Variants in SMCO4 observed in about 807,000 individuals in gnomAD.
SMCO4 encodes the protein single-pass membrane protein with coiled-coil domains 4.
A neutral mutation model predicts 3.6 loss-of-function variants in SMCO4; 4 were observed. That is an observed-to-expected ratio of 1.11 (90% confidence interval 0.54 to 2.53). SMCO4 has a LOEUF of 2.53. Among genes scored for constraint, SMCO4 ranks in the 30% most tolerant of loss-of-function variants. The pLI is 0.02. For missense variants in SMCO4, 70 were observed against 80.8 expected, an observed-to-expected ratio of 0.87 and a Z score of 0.51; for synonymous variants, 36 against 35.3, an observed-to-expected ratio of 1.02 and a Z score of -0.07.
At chr11:93,514,402 ATATATATATATATATATAT>A (rs199610400) in intron 1 of SMCO4, among the ~76,000 whole-genome samples, 31,814 of 99,516 alleles carry the variant, frequency 0.32, 4,918 homozygotes, top group Non-Finnish European at 0.34. Context: ...ATATATATAT[ATATATATATATATATATAT>A]AAAATTTGGT....
chr11:93,546,184 G>A (rs2134648820), upstream of SMCO4, among the ~76,000 whole-genome samples: 1 of 152,348 alleles, frequency 6.6e-6, no homozygotes, highest in Non-Finnish European at 1.5e-5. Flanking sequence ...CCAAGAATCA[G>A]TACTCTTGCT....
intron 1 of SMCO4, chr11:93,523,223 C>T (rs1332766057): frequency 2.6e-5 from 4 of 152,232 alleles, no homozygotes; most frequent in Non-Finnish European, 4.4e-5. Context: ...GATTGCCTGT[C>T]CCAGCTACTC....
chr11:93,497,741 G>C lies in SMCO4; in HGVS notation c.-81+1535C>G, dbSNP rs138544083. On this transcript the variant is annotated intron_variant, in intron 2 of 2. Transcript: ENST00000298966. The stretch of plus-strand genomic sequence containing the variant: ...GAGCTTATTTCCCAACTTTGAAAAT[G>C]AGAAGTTACCACTTGCCTCTGCCTG... Among the ~76,000 whole-genome samples, 757 of 152,312 alleles carry C rather than the reference G, an allele frequency of 5.0e-3. 3 individuals carry two copies. The highest frequency in any genetic ancestry group is 6.9e-3 in the Non-Finnish European group (470 of 68,024).
At chr11:93,528,684 A>G (rs1949134641) in intron 1 of SMCO4, among the ~76,000 whole-genome samples, 1 of 152,182 alleles carries the variant, frequency 6.6e-6, no homozygotes, top group African/African-American at 2.4e-5. Context: ...AGGTGAAGGG[A>G]GACCCCCATG....
rs1219959096 is a variant in SMCO4, at chr11:93,478,826, C to T, written c.*184G>A. On this transcript the variant is annotated 3_prime_UTR_variant, in exon 3 of 3. Coordinates refer to ENST00000298966, the MANE Select transcript of SMCO4 (RefSeq NM_020179.3). ...GTGTATGGCACATTCACTGATAAAA[C>T]ATCCCCTATTCCCTCCCAAGAAAGC... The T allele has an allele frequency of 2.8e-6, 4 of 1,407,230 alleles. No homozygotes were observed. The highest frequency in any genetic ancestry group is 1.4e-5 in the African/African-American group (1 of 69,172). The allele number at this position is 1,407,230 out of a possible 1,614,324, so 87.2% of individuals were successfully genotyped here.
Position 93,478,598 on chromosome 11 carries a change from A to G in SMCO4, c.*412T>C, listed in dbSNP as rs7365. 94,435 of 162,922 alleles carry G rather than the reference A, an allele frequency of 0.58. 28,364 individuals are homozygous for G. The highest frequency in any genetic ancestry group is 0.95 in the East Asian group (5,447 of 5,750). The allele number at this position is 162,922 out of a possible 1,614,324, so 10.1% of individuals were successfully genotyped here. On this transcript the variant is annotated 3_prime_UTR_variant, in exon 3 of 3. Transcript: ENST00000298966. ...AGATTGTGAACACGTGTTGGAAAGA[A>G]GCATGATCCAAACAATGGGAATGAG... is the stretch of plus-strand genomic sequence containing the variant.
intron 1 of SMCO4, among the ~76,000 whole-genome samples, chr11:93,500,980 C>T (rs570862117): frequency 1.3e-5 from 2 of 152,312 alleles, no homozygotes; most frequent in African/African-American, 4.8e-5. Flanking sequence ...GCGACAGGGA[C>T]ACCAGCTGGC....
At chr11:93,550,790 A>G in the SMCO4 span, among the ~76,000 whole-genome samples, 4 of 152,210 alleles carry the variant, frequency 2.6e-5, no homozygotes, top group East Asian at 5.8e-4. Flanking sequence ...CTTTTATTCC[A>G]TAGGCTGTAA....
At chr11:93,552,632 C>T in the SMCO4 span, among the ~76,000 whole-genome samples, 2 of 151,324 alleles carry the variant, frequency 1.3e-5, no homozygotes, top group South Asian at 2.1e-4. Context: ...CTAACAAGCC[C>T]GGCTAATTTT....
intron 1 of SMCO4, among the ~76,000 whole-genome samples, chr11:93,532,761 GACT>G (rs1949175400): frequency 6.6e-6 from 1 of 152,194 alleles, no homozygotes; most frequent in African/African-American, 2.4e-5. Flanking sequence ...GCATGGAACA[GACT>G]CCCCTCAGAG....
At chr11:93,514,413 T>TATATATATACATACAC (rs781423008) in intron 1 of SMCO4, among the ~76,000 whole-genome samples, 2 of 33,950 alleles carry the variant, frequency 5.9e-5, no homozygotes, top group African/African-American at 9.3e-5. Context: ...TATATATATA[T>TATATATATACATACAC]ATATATATAA....
chr11:93,547,592 C>T (rs1226204228), upstream of SMCO4, among the ~76,000 whole-genome samples: 1 of 152,152 alleles, frequency 6.6e-6, no homozygotes. Context: ...CGTTTGCTTG[C>T]CCACTACTAT....
chr11:93,506,692 C>T (rs1392357096), intron 1 of SMCO4, among the ~76,000 whole-genome samples: 1 of 152,146 alleles, frequency 6.6e-6, no homozygotes, highest in East Asian at 1.9e-4. Flanking sequence ...CCAACCGCCT[C>T]GGCCTCCCAA....
intron 2 of SMCO4, among the ~76,000 whole-genome samples, chr11:93,496,143 T>G (rs1167360836): frequency 6.6e-6 from 1 of 152,182 alleles, no homozygotes; most frequent in Non-Finnish European, 1.5e-5. Context: ...AAGATTGCTC[T>G]GGGTCCAAAT....
intron 1 of SMCO4, among the ~76,000 whole-genome samples, chr11:93,514,826 G>T (rs1365339310): frequency 9.2e-5 from 14 of 152,108 alleles, no homozygotes; most frequent in African/African-American, 3.1e-4. Flanking sequence ...ACCAGACATA[G>T]CTAAGGACTT....
At chr11:93,523,010 G>A (rs1949073018) in intron 1 of SMCO4, among the ~76,000 whole-genome samples, 2 of 152,124 alleles carry the variant, frequency 1.3e-5, no homozygotes, top group Admixed American at 1.3e-4. Flanking sequence ...AAACCCCAAA[G>A]ATCAAAAATT....
chr11:93,540,057 G>C (rs1456781528), intron 1 of SMCO4, among the ~76,000 whole-genome samples: 1 of 151,976 alleles, frequency 6.6e-6, no homozygotes, highest in African/African-American at 2.4e-5. Context: ...TCTGGCTTAC[G>C]ATTTTTTCAA....
At chr11:93,500,602 G>A (rs376901119) in intron 1 of SMCO4, among the ~76,000 whole-genome samples, 2 of 152,198 alleles carry the variant, frequency 1.3e-5, no homozygotes, top group South Asian at 4.1e-4. Flanking sequence ...AAGGGGAAGG[G>A]AGTTGGTTAT....
intron 1 of SMCO4, chr11:93,535,382 G>T: frequency 2.5e-6 from 2 of 788,154 alleles, no homozygotes; most frequent in South Asian, 1.7e-5. Context: ...TAACATCTAC[G>T]ATCTCAGCAA....
Sources: gnomAD v4.1 joint callset for allele counts (sites outside exome capture counted in the v4.1 genomes callset) on GRCh38, gnomAD v4.1.1 for gene constraint, MANE v1.5 for transcripts, NCBI Gene and HGNC (gene_info 2026-07-23, HGNC 2026-07-21) for gene names.